The following SENP7 variants were observed in gnomAD, a reference collection of about 807,000 sequenced individuals.
SENP7 encodes sentrin-specific protease 7.
Under a neutral mutation model 141.2 loss-of-function variants are expected in SENP7, and 64 were observed. The observed-to-expected ratio is 0.45, with a 90% CI of 0.37 to 0.56. The LOEUF (loss-of-function observed/expected upper bound fraction) is 0.56, where lower values mean the gene tolerates loss of function less well. Among genes scored for constraint, SENP7 ranks in the 20% least tolerant of loss-of-function variants. The pLI is 0.00. For missense variants in SENP7, 1,025 were observed against 1,212.2 expected (o/e 0.85, Z 2.29); for synonymous variants, 382 against 426.4 (o/e 0.90, Z 1.28).
At chr3:101,366,830 T>C in intron 8 of SENP7, 61 bp from the exon 9 acceptor site, 1 of 1,066,636 alleles carries the variant, frequency 9.4e-7, no homozygotes, top group South Asian at 1.6e-5. Context: ...TAAACCATTT[T>C]TAAATTCCTA....
intron 7 of SENP7, among the ~76,000 whole-genome samples, chr3:101,370,428 G>A (rs2060147776): frequency 6.6e-6 from 1 of 152,082 alleles, no homozygotes; most frequent in South Asian, 2.1e-4. Flanking sequence ...TTGGTCCCAG[G>A]GACCCAGGAT....
At position 101,327,858 on chromosome 3, in the gene SENP7, A is replaced by C. The variant is rs369034392; in HGVS notation, c.2865-42T>G. 3.9e-5 allele frequency: 56 copies of C among 1,451,144 alleles called. No homozygotes were observed. The African/African-American group carries it at 7.6e-4, about 20-fold the overall frequency. 89.9% of individuals were successfully genotyped at this position (1,451,144 alleles called of 1,614,324 possible). A position where few individuals can be genotyped will look rare whatever the true frequency, so the allele number is the denominator to read the frequency against. On this transcript the variant is annotated intron_variant, in intron 22 of 23. Transcript: ENST00000394095. ...ATAAGAGTGACTAAAGTAGAAATCT[A>C]TTTATCAGTATGCAACATTTTCAGA... is the stretch of plus-strand genomic sequence containing the variant.
chr3:101,405,790 A>C (rs1370778013), intron 5 of SENP7, among the ~76,000 whole-genome samples: 1 of 152,232 alleles, frequency 6.6e-6, no homozygotes, highest in Non-Finnish European at 1.5e-5. Context: ...AATGCTCTGG[A>C]AAGTCTCAGC....
At chr3:101,342,645 G>A (rs1242522414) in intron 14 of SENP7, among the ~76,000 whole-genome samples, 1 of 150,320 alleles carries the variant, frequency 6.7e-6, no homozygotes, top group Non-Finnish European at 1.5e-5. Flanking sequence ...CAATTCCTTA[G>A]TCTTTCCTTG....
intron 4 of SENP7, among the ~76,000 whole-genome samples, chr3:101,441,256 G>A (rs1018578995): frequency 2.0e-5 from 3 of 152,136 alleles, no homozygotes; most frequent in African/African-American, 7.2e-5. Flanking sequence ...GTGCCCAACA[G>A]CACCAATAAC....
Position 101,513,162 on chromosome 3 carries a change from C to A in SENP7, c.-32G>T. ...CCGCTGCTGAAATTTCAGTTGCAGG[C>A]GCTGTCACCTCAGGACCCCTCCGGC... On this transcript the variant is annotated 5_prime_UTR_variant, in exon 1 of 24. Coordinates refer to ENST00000394095, the MANE Select transcript of SENP7 (RefSeq NM_020654.5). 7.1e-7 allele frequency: 1 copy of A among 1,406,812 alleles called. No homozygotes were observed. Among genetic ancestry groups the A allele is most frequent in the Non-Finnish European group, 9.5e-7 (1 of 1,055,828 alleles). 87.1% of individuals were successfully genotyped at this position (1,406,812 alleles called of 1,614,324 possible). A position where few individuals can be genotyped will look rare whatever the true frequency, so the allele number is the denominator to read the frequency against.
intron 6 of SENP7, among the ~76,000 whole-genome samples, chr3:101,378,601 C>A (rs1414795062): frequency 6.6e-6 from 1 of 151,904 alleles, no homozygotes; most frequent in Non-Finnish European, 1.5e-5. Flanking sequence ...ATGGGAATAT[C>A]ATAAGAAGAA....
chr3:101,443,830 T>C (rs200847833), intron 4 of SENP7, among the ~76,000 whole-genome samples: 3 of 144,068 alleles, frequency 2.1e-5, no homozygotes, highest in Admixed American at 1.4e-4. Context: ...CTTATCAGCT[T>C]AAGGAGATTT....
At chr3:101,442,662 T>A (rs1313797615) in intron 4 of SENP7, among the ~76,000 whole-genome samples, 1 of 151,614 alleles carries the variant, frequency 6.6e-6, no homozygotes, top group African/African-American at 2.4e-5. Context: ...AGAAAAGAAA[T>A]TCAGGATATA....
At chr3:101,355,886 G>A (rs1467840174) in intron 11 of SENP7, among the ~76,000 whole-genome samples, 1 of 151,992 alleles carries the variant, frequency 6.6e-6, no homozygotes, top group African/African-American at 2.4e-5. Context: ...TGATTTCTTG[G>A]AGCAGTGTTT....
At chr3:101,468,474 C>A (rs908777420) in intron 3 of SENP7, among the ~76,000 whole-genome samples, 7 of 152,156 alleles carry the variant, frequency 4.6e-5, no homozygotes, top group Non-Finnish European at 1.0e-4. Flanking sequence ...TCGAGTTACT[C>A]ACAAAGGGAA....
intron 4 of SENP7, among the ~76,000 whole-genome samples, chr3:101,431,413 T>G (rs1199742636): frequency 6.6e-6 from 1 of 152,108 alleles, no homozygotes; most frequent in East Asian, 1.9e-4. Context: ...CTTGTTGCAT[T>G]GATCCCTTTA....
intron 4 of SENP7, among the ~76,000 whole-genome samples, chr3:101,427,832 G>A (rs554036688): frequency 4.6e-5 from 7 of 152,080 alleles, no homozygotes; most frequent in East Asian, 3.9e-4. Context: ...TTCTCCTAAC[G>A]CTATCCCTCC....
intron 11 of SENP7, among the ~76,000 whole-genome samples, chr3:101,354,301 G>A (rs2059683625): frequency 6.6e-6 from 1 of 151,918 alleles, no homozygotes; most frequent in South Asian, 2.1e-4. Context: ...ACATGTACAG[G>A]TCTGCTATAC....
At chr3:101,474,458 G>A (rs995810388) in intron 3 of SENP7, among the ~76,000 whole-genome samples, 7 of 152,004 alleles carry the variant, frequency 4.6e-5, no homozygotes, top group Admixed American at 3.3e-4. Flanking sequence ...GAATGAGTTC[G>A]TTCCTAGTCT....
At chr3:101,413,224 A>G (rs2061503390) in intron 5 of SENP7, among the ~76,000 whole-genome samples, 1 of 152,308 alleles carries the variant, frequency 6.6e-6, no homozygotes, top group Middle Eastern at 3.4e-3. Flanking sequence ...AGAAATGAAA[A>G]TAAAACAAAA....
chr3:101,367,444 T>C (rs1034451776), intron 8 of SENP7, among the ~76,000 whole-genome samples: 1 of 151,364 alleles, frequency 6.6e-6, no homozygotes, highest in Non-Finnish European at 1.5e-5. Flanking sequence ...AGTAAATTGC[T>C]ACTGATAAAA....
intron 23 of SENP7, 133 bp from the exon 24 acceptor site, chr3:101,326,213 A>T: frequency 4.3e-6 from 3 of 694,734 alleles, no homozygotes; most frequent in Non-Finnish European, 6.6e-6. Context: ...TAATTCACAT[A>T]ATACAATTCA....
At position 101,328,526 on chromosome 3, in the gene SENP7, T is replaced by G; in HGVS notation, c.2816A>C (p.Asp939Ala). 1 of 1,612,500 alleles carries G rather than the reference T, an allele frequency of 6.2e-7. No homozygotes were observed. The highest frequency in any genetic ancestry group is 1.3e-5 in the African/African-American group (1 of 74,938). The change falls in exon 22 of 24, where the codon GAC becomes GCC. Residue 939 changes from aspartate (D) to alanine (A), a missense_variant. Transcript: ENST00000394095. ...MCKRPCILIL[D>A]SLKAASVQNT... ...TTGTACAGAAGCAGCTTTCAAGGAG[T>G]CTAGTATAAGAATACATGGCCTATG...
Sources: gnomAD v4.1 joint callset for allele counts (sites outside exome capture counted in the v4.1 genomes callset) on GRCh38, gnomAD v4.1.1 for gene constraint, MANE v1.5 for transcripts, NCBI Gene and HGNC (gene_info 2026-07-23, HGNC 2026-07-21) for gene names.